The following LRRC7 variants were observed in gnomAD, a reference collection of about 807,000 sequenced individuals.
LRRC7 encodes the protein leucine-rich repeat-containing protein 7.
A neutral mutation model predicts 175.7 loss-of-function variants in LRRC7; 23 were observed. That is an observed-to-expected ratio of 0.13 (90% confidence interval 0.09 to 0.19). LRRC7 has a LOEUF of 0.19. Ranked by LOEUF, LRRC7 falls within the 10% of genes least tolerant of loss-of-function variation. LRRC7 has a pLI of 1.00. For synonymous variants in LRRC7, 685 were observed against 680.9 expected, an observed-to-expected ratio of 1.01 and a Z score of -0.09; for missense variants, 1,354 against 1,904.7, an observed-to-expected ratio of 0.71 and a Z score of 5.38.
rs142905896 is a variant in LRRC7, at chr1:69,800,722, T to G, written c.421+8562T>G. On this transcript the variant is annotated intron_variant, in intron 4 of 26. Transcript: ENST00000651989. ...ACTTTCCCTTTTCCAGCTTGAATGC[T>G]TTTTATTTCTTTCTCTTGGTTGAAT... 2.0e-3 allele frequency among the ~76,000 whole-genome samples: 299 copies of G among 151,978 alleles called. 1 individual carries two copies. Among genetic ancestry groups the G allele is most frequent in the African/African-American group, 6.7e-3 (277 of 41,552 alleles).
At chr1:70,059,359 C>A (rs1661395170) in intron 23 of LRRC7, among the ~76,000 whole-genome samples, 1 of 152,126 alleles carries the variant, frequency 6.6e-6, no homozygotes, top group Admixed American at 6.6e-5. Flanking sequence ...GCTGAACTTG[C>A]CTGTGATTTT....
chr1:69,809,108 C>T (rs547457853), intron 4 of LRRC7, among the ~76,000 whole-genome samples: 3 of 152,182 alleles, frequency 2.0e-5, no homozygotes, highest in East Asian at 1.9e-4. Context: ...ACTGACCCCA[C>T]AAAAATACAA....
intron 2 of LRRC7, chr1:69,716,101 G>A (rs2100751352): frequency 2.4e-6 from 1 of 409,158 alleles, no homozygotes; most frequent in South Asian, 1.1e-4. Flanking sequence ...ATTTATAATT[G>A]CAGTTAATTG....
chr1:69,747,716 T>A (rs2100882338), intron 2 of LRRC7, among the ~76,000 whole-genome samples: 1 of 152,262 alleles, frequency 6.6e-6, no homozygotes, highest in Non-Finnish European at 1.5e-5. Context: ...ACAACATGAA[T>A]CAGGATAAGT....
intron 1 of LRRC7, among the ~76,000 whole-genome samples, chr1:69,588,155 G>A (rs1375126610): frequency 6.6e-6 from 1 of 152,014 alleles, no homozygotes; most frequent in Non-Finnish European, 1.5e-5. Context: ...GAAAGTTAGT[G>A]GTTTTTTTCC....
At chr1:69,692,826 C>A (rs1217294243) in intron 2 of LRRC7, among the ~76,000 whole-genome samples, 3 of 152,090 alleles carry the variant, frequency 2.0e-5, no homozygotes, top group Admixed American at 6.6e-5. Context: ...TGTGTCTATG[C>A]GAATGTTTTC....
chr1:69,951,197 TC>T (rs1336196643), intron 8 of LRRC7, among the ~76,000 whole-genome samples: 1 of 150,476 alleles, frequency 6.6e-6, no homozygotes, highest in African/African-American at 2.4e-5. Flanking sequence ...ACCCGCAATA[TC>T]ACTGATCACT....
At chr1:69,935,409 A>G (rs1437952167) in intron 8 of LRRC7, among the ~76,000 whole-genome samples, 10 of 152,208 alleles carry the variant, frequency 6.6e-5, no homozygotes, top group Admixed American at 5.2e-4. Context: ...AATTGGAATT[A>G]TAATGTGCAT....
rs138866493 is a variant in LRRC7, at chr1:70,047,993, A to G, written c.4110+3899A>G. The stretch of plus-strand genomic sequence containing the variant: ...TTTTTATTCATTCATTCAGTCATTC[A>G]TTTATTCATCTATCATTTATTTACT... On this transcript the variant is annotated intron_variant, in intron 22 of 26. Transcript: ENST00000651989. Among the ~76,000 whole-genome samples the G allele has an allele frequency of 1.8e-4, 28 of 152,056 alleles. No homozygotes were observed. In the East Asian group the frequency reaches 4.2e-3, roughly 23 times the overall value.
chr1:69,812,479 T>C (rs552517938), intron 4 of LRRC7, among the ~76,000 whole-genome samples: 28 of 151,938 alleles, frequency 1.8e-4, no homozygotes, highest in South Asian at 8.3e-4. Flanking sequence ...CCTCTGTTCT[T>C]TCTATTCTTT....
chr1:69,887,487 C>T (rs1181585310), intron 7 of LRRC7, among the ~76,000 whole-genome samples: 2 of 146,216 alleles, frequency 1.4e-5, no homozygotes, highest in African/African-American at 2.6e-5. Context: ...TTAAGCACTT[C>T]TCTCTATTGG....
At chr1:69,762,878 C>G (rs1198673923) in intron 3 of LRRC7, among the ~76,000 whole-genome samples, 2 of 151,868 alleles carry the variant, frequency 1.3e-5, no homozygotes, top group African/African-American at 2.4e-5. Flanking sequence ...TATCATTGAC[C>G]TGCCTTATAT....
rs200701056 is a variant in LRRC7 at position 69,760,336 on chromosome 1, C to T, written c.246C>T (p.Phe82=). ...AGGTGCCAAAGGAGGTCTTTAACTT[C>T]GAACGAACATTAGAGGAGCTTTATC... is the stretch of plus-strand genomic sequence containing the variant. ...LQQVPKEVFN[F]ERTLEELYLD... Residue 82 remains phenylalanine (F), a synonymous_variant, in exon 3 of 27, where the codon TTC becomes TTT. Transcript: ENST00000651989. 9.3e-6 allele frequency: 15 copies of T among 1,612,676 alleles called. No homozygotes were observed. The highest frequency in any genetic ancestry group is 1.3e-5 in the African/African-American group (1 of 74,868).
intron 2 of LRRC7, among the ~76,000 whole-genome samples, chr1:69,729,274 A>C (rs532904979): frequency 6.6e-6 from 1 of 152,178 alleles, no homozygotes; most frequent in African/African-American, 2.4e-5. Context: ...AAACACAATC[A>C]TGTCTTTCCA....
In LRRC7 at chr1:70,142,704, A is replaced by AT. The variant is rs1324964333; in HGVS notation, c.*20823dup. The AT allele has an allele frequency of 7.9e-5, 12 of 152,064 alleles. No individual in the cohort carries two copies. The highest frequency in any genetic ancestry group is 1.3e-4 in the Non-Finnish European group (9 of 67,966). 9.4% of individuals were successfully genotyped at this position (152,064 alleles called of 1,614,324 possible). A position where few individuals can be genotyped will look rare whatever the true frequency, so the allele number is the denominator to read the frequency against. ...TTATTGAAAGTAATAATACAGTTTT[A>AT]TTTTTTCCACTTTATAACTGCCCAA... On this transcript the variant is annotated 3_prime_UTR_variant, in exon 27 of 27. Transcript: ENST00000651989.
chr1:70,092,446 A>G (rs1413798271), intron 25 of LRRC7, among the ~76,000 whole-genome samples: 2 of 152,188 alleles, frequency 1.3e-5, no homozygotes, highest in Non-Finnish European at 2.9e-5. Context: ...CTTACTGCTC[A>G]TGGATGTTTG....
rs909895677 is a variant in LRRC7, at chr1:69,862,622, G to A, written c.647+24339G>A. On this transcript the variant is annotated intron_variant, in intron 7 of 26. Coordinates refer to ENST00000651989, the MANE Select transcript of LRRC7 (RefSeq NM_001370785.2). Reference sequence around the variant, plus strand: ...ATTTGGAAAATTTTCAGCAAATGCAGTTAACTAAAGATATTGCCAGTTAAA... The same window carrying A: ...ATTTGGAAAATTTTCAGCAAATGCAATTAACTAAAGATATTGCCAGTTAAA... 5.3e-5 allele frequency among the ~76,000 whole-genome samples: 8 copies of A among 152,284 alleles called. No homozygotes were observed. In the South Asian group the frequency reaches 1.5e-3, roughly 28 times the overall value.
intron 7 of LRRC7, among the ~76,000 whole-genome samples, chr1:69,908,357 G>T (rs1321531096): frequency 1.3e-5 from 2 of 151,490 alleles, no homozygotes; most frequent in African/African-American, 4.9e-5. Flanking sequence ...GTGATGTTAG[G>T]GTGTCAATTT....
intron 7 of LRRC7, among the ~76,000 whole-genome samples, chr1:69,888,178 T>G (rs1281224036): frequency 6.6e-6 from 1 of 151,608 alleles, no homozygotes; most frequent in Non-Finnish European, 1.5e-5. Flanking sequence ...TTTGTTTACC[T>G]AAGCAAGCCT....
Sources: allele counts gnomAD v4.1 joint callset (sites outside exome capture counted in the v4.1 genomes callset), GRCh38; gene constraint gnomAD v4.1.1; transcripts MANE v1.5; gene names NCBI Gene and HGNC (gene_info 2026-07-23, HGNC 2026-07-21).